LRRC8D: variants seen among roughly 807,000 people sequenced by gnomAD.
The protein encoded by LRRC8D is volume-regulated anion channel subunit LRRC8D.
A neutral mutation model predicts 55.8 loss-of-function variants in LRRC8D; 20 were observed. That is an observed-to-expected ratio of 0.36 (90% CI 0.25 to 0.52). LRRC8D has a LOEUF of 0.52. Ranked by LOEUF, LRRC8D falls within the 20% of genes least tolerant of loss-of-function variation. The pLI is 0.93. For synonymous variants in LRRC8D, 352 were observed against 377.0 expected (o/e 0.93, Z 0.77); for missense variants, 651 against 1,030.8 (o/e 0.63, Z 5.05).
At chr1:89,854,120 C>T (rs925906459) in intron 2 of LRRC8D, among the ~76,000 whole-genome samples, 13 of 152,012 alleles carry the variant, frequency 8.6e-5, no homozygotes, top group Admixed American at 2.0e-4. Context: ...CAGGAGAAGA[C>T]GAGGAAGAGA....
chr1:89,932,183 G>C (rs962953495), intron 2 of LRRC8D, among the ~76,000 whole-genome samples: 1 of 152,152 alleles, frequency 6.6e-6, no homozygotes, highest in Non-Finnish European at 1.5e-5. Context: ...CCTGGCACCG[G>C]GGCTTCATTC....
intron 2 of LRRC8D, among the ~76,000 whole-genome samples, chr1:89,883,744 T>G (rs116701678): frequency 2.0e-5 from 3 of 152,190 alleles, no homozygotes; most frequent in Non-Finnish European, 4.4e-5. Context: ...GTGGTATAAT[T>G]GACATATTGA....
At chr1:89,900,728 A>G (rs1336512301) in intron 2 of LRRC8D, among the ~76,000 whole-genome samples, 1 of 152,334 alleles carries the variant, frequency 6.6e-6, no homozygotes, top group African/African-American at 2.4e-5. Flanking sequence ...TGAGCCTCAC[A>G]GTAATTTTTG....
intron 2 of LRRC8D, among the ~76,000 whole-genome samples, chr1:89,853,640 A>C (rs1045985449): frequency 6.6e-6 from 1 of 152,214 alleles, no homozygotes; most frequent in African/African-American, 2.4e-5. Flanking sequence ...CAGGTGAGCA[A>C]CTTGCCACGC....
At chr1:89,835,264 A>G (rs1055223432) in intron 1 of LRRC8D, among the ~76,000 whole-genome samples, 1 of 152,208 alleles carries the variant, frequency 6.6e-6, no homozygotes, top group Non-Finnish European at 1.5e-5. Flanking sequence ...GGGGCATTCT[A>G]GAGAAAGGTC....
intron 2 of LRRC8D, among the ~76,000 whole-genome samples, chr1:89,926,393 TTA>T (rs1287702877): frequency 6.6e-6 from 1 of 152,240 alleles, no homozygotes; most frequent in Non-Finnish European, 1.5e-5. Flanking sequence ...AGGATCTATA[TTA>T]GATCATCTCT....
At chr1:89,866,870 A>G (rs1661863715) in intron 2 of LRRC8D, among the ~76,000 whole-genome samples, 1 of 152,196 alleles carries the variant, frequency 6.6e-6, no homozygotes, top group Non-Finnish European at 1.5e-5. Flanking sequence ...TTTCAAGTGT[A>G]TCAATCAGAT....
chr1:89,883,005 CTT>C (rs1557466227), intron 2 of LRRC8D, among the ~76,000 whole-genome samples: 1 of 152,108 alleles, frequency 6.6e-6, no homozygotes, highest in African/African-American at 2.4e-5. Flanking sequence ...GGAGTTTAGA[CTT>C]TATTTAGCAG....
intron 1 of LRRC8D, among the ~76,000 whole-genome samples, chr1:89,833,432 TTTTACC>T (rs528320716): frequency 3.9e-5 from 6 of 152,202 alleles, no homozygotes; most frequent in Non-Finnish European, 7.3e-5. Flanking sequence ...ACCCATCTTG[TTTTACC>T]TTTACCTTTA....
At chr1:89,834,709 T>C (rs772371495) in intron 1 of LRRC8D, among the ~76,000 whole-genome samples, 2 of 152,180 alleles carry the variant, frequency 1.3e-5, no homozygotes, top group Non-Finnish European at 2.9e-5. Flanking sequence ...ACTGGAAAGA[T>C]CAGGGGAGGT....
intron 2 of LRRC8D, among the ~76,000 whole-genome samples, chr1:89,899,997 C>T (rs1444110541): frequency 6.6e-6 from 1 of 152,182 alleles, no homozygotes; most frequent in Non-Finnish European, 1.5e-5. Flanking sequence ...GAATTATGAT[C>T]CCTGCCCTGG....
At chr1:89,868,518 A>G (rs1163998547) in intron 2 of LRRC8D, among the ~76,000 whole-genome samples, 6 of 152,296 alleles carry the variant, frequency 3.9e-5, no homozygotes, top group African/African-American at 1.4e-4. Context: ...AATATACCTC[A>G]GCATATTCCC....
chr1:89,899,170 G>A (rs969462379), intron 2 of LRRC8D, among the ~76,000 whole-genome samples: 1 of 152,168 alleles, frequency 6.6e-6, no homozygotes, highest in African/African-American at 2.4e-5. Context: ...TGGTACCTCC[G>A]GGGGTGTGGC....
chr1:89,836,096 G>A (rs1283803817), intron 1 of LRRC8D, among the ~76,000 whole-genome samples: 1 of 152,176 alleles, frequency 6.6e-6, no homozygotes, highest in Admixed American at 6.5e-5. Flanking sequence ...AGCTAATAGT[G>A]CAGTTCTTCA....
At chr1:89,922,634 A>G (rs1663453484) in intron 2 of LRRC8D, among the ~76,000 whole-genome samples, 1 of 152,186 alleles carries the variant, frequency 6.6e-6, no homozygotes, top group African/African-American at 2.4e-5. Flanking sequence ...AATACGTTAC[A>G]CTGTGAGGTG....
chr1:89,893,379 G>A (rs1662626932), intron 2 of LRRC8D, among the ~76,000 whole-genome samples: 2 of 152,074 alleles, frequency 1.3e-5, no homozygotes, highest in East Asian at 1.9e-4. Flanking sequence ...AAAAATATTC[G>A]TTATCACTTT....
intron 2 of LRRC8D, among the ~76,000 whole-genome samples, chr1:89,915,057 A>G (rs962037214): frequency 2.0e-4 from 29 of 148,440 alleles, no homozygotes; most frequent in Admixed American, 1.3e-3. Context: ...GTGTGTGTGT[A>G]TGTGTGTGGT....
At chr1:89,831,053 G>C (rs1252667267) in intron 1 of LRRC8D, among the ~76,000 whole-genome samples, 2 of 151,708 alleles carry the variant, frequency 1.3e-5, no homozygotes, top group South Asian at 2.1e-4. Context: ...TTACAGGTAC[G>C]CACCACCACA....
intron 2 of LRRC8D, among the ~76,000 whole-genome samples, chr1:89,928,658 C>T (rs1050336246): frequency 3.3e-5 from 5 of 152,100 alleles, no homozygotes; most frequent in African/African-American, 1.2e-4. Context: ...TTACAGTACT[C>T]TGTACTCTGT....
Sources: gnomAD v4.1 joint callset for allele counts (sites outside exome capture counted in the v4.1 genomes callset) on GRCh38, gnomAD v4.1.1 for gene constraint, MANE v1.5 for transcripts, NCBI Gene and HGNC (gene_info 2026-07-23, HGNC 2026-07-21) for gene names.